GPR137C: variants seen among roughly 807,000 people sequenced by gnomAD.
GPR137C encodes the protein G protein-coupled receptor 137C, also known as integral membrane protein GPR137C.
In GPR137C, 27 loss-of-function variants were observed where a neutral mutation model predicts 43.4. The observed-to-expected ratio is 0.62, with a 90% confidence interval of 0.46 to 0.86. The LOEUF (loss-of-function observed/expected upper bound fraction) is 0.86, where lower values mean the gene tolerates loss of function less well. GPR137C is among the 40% of genes least tolerant of loss of function. The pLI, the probability that GPR137C is intolerant of heterozygous loss-of-function variation, is 0.00. For missense variants in GPR137C, 522 were observed against 534.6 expected (o/e 0.98, Z 0.23); for synonymous variants, 285 against 226.9 (o/e 1.26, Z -2.30).
chr14:52,576,505 A>G (rs1390823493), intron 1 of GPR137C, among the ~76,000 whole-genome samples: 1 of 152,204 alleles, frequency 6.6e-6, no homozygotes, highest in East Asian at 1.9e-4. Context: ...GCTGAATGGA[A>G]TTATAGTTCC....
intron 1 of GPR137C, among the ~76,000 whole-genome samples, chr14:52,573,386 T>C (rs187407820): frequency 1.8e-4 from 27 of 152,228 alleles, no homozygotes; most frequent in African/African-American, 6.3e-4. Flanking sequence ...TATAGACCAA[T>C]GGAACAGAAC....
chr14:52,559,116 G>A (rs911821372), intron 1 of GPR137C, among the ~76,000 whole-genome samples: 4 of 152,146 alleles, frequency 2.6e-5, no homozygotes, highest in East Asian at 1.9e-4. Context: ...AGTGGCTCAC[G>A]CCTCTAATCC....
rs1346349567 is a variant in GPR137C, at chr14:52,606,645, T to C, written c.717+6304T>C. 2.6e-5 allele frequency among the ~76,000 whole-genome samples: 4 copies of C among 152,258 alleles called. No homozygotes were observed. The South Asian group carries it at 6.2e-4, about 24-fold the overall frequency. On this transcript the variant is annotated intron_variant, in intron 3 of 6. Transcript: ENST00000321662. ...TAGACAGAATCTATGTTGTCCAGGC[T>C]GCTAATGTTTCTCTTTTCATCCTTA...
intron 1 of GPR137C, among the ~76,000 whole-genome samples, chr14:52,555,872 A>T (rs1761385126): frequency 6.6e-6 from 1 of 152,180 alleles, no homozygotes; most frequent in African/African-American, 2.4e-5. Flanking sequence ...GAAAGGAGAT[A>T]TCTTAACCAG....
At chr14:52,609,496 G>C (rs1397949051) in intron 3 of GPR137C, among the ~76,000 whole-genome samples, 1 of 152,146 alleles carries the variant, frequency 6.6e-6, no homozygotes, top group Non-Finnish European at 1.5e-5. Flanking sequence ...ACACCAAGGG[G>C]TTACATTTTT....
rs78970159 is a variant in GPR137C at position 52,555,956 on chromosome 14, A to C, written c.444+2365A>C. ...AGAGAGTATTTTAGTTCAAATTTTT[A>C]TGTCAGTTCCAGATAACTGCAAGTA... On this transcript the variant is annotated intron_variant, in intron 1 of 6. Transcript: ENST00000321662. 2.9e-4 allele frequency among the ~76,000 whole-genome samples: 44 copies of C among 152,302 alleles called. 2 individuals carry two copies. In the East Asian group the frequency reaches 8.3e-3, roughly 29 times the overall value.
At chr14:52,602,990 CAT>C (rs1202063852) in intron 3 of GPR137C, among the ~76,000 whole-genome samples, 2 of 152,104 alleles carry the variant, frequency 1.3e-5, no homozygotes, top group African/African-American at 4.8e-5. Flanking sequence ...TATTTTGAAA[CAT>C]ATAATAAATT....
intron 4 of GPR137C, 22 bp from the exon 5 acceptor site, chr14:52,633,508 C>T (rs1435317312): frequency 6.2e-7 from 1 of 1,603,978 alleles, no homozygotes; most frequent in African/African-American, 1.3e-5. Context: ...TGTAAAAATT[C>T]TCTGCCATGC....
rs1675350266 is a variant in GPR137C at position 52,590,427 on chromosome 14, AAT to A, written c.445-7844_445-7843del. 4.6e-5 allele frequency among the ~76,000 whole-genome samples: 7 copies of A among 152,282 alleles called. No individual in the cohort carries two copies. In the South Asian group the frequency reaches 1.5e-3, roughly 32 times the overall value. On this transcript the variant is annotated intron_variant, in intron 1 of 6. Coordinates refer to ENST00000321662, the MANE Select transcript of GPR137C (RefSeq NM_001099652.2). ...AATTTATTGTTCATTTTTAAAAATA[AAT>A]TTAGTGTAGCATAAGTGTACAATGT... is the stretch of plus-strand genomic sequence containing the variant.
Position 52,553,380 on chromosome 14 carries a change from G to A in GPR137C, c.233G>A (p.Arg78Gln). 1.2e-6 allele frequency: 2 copies of A among 1,605,600 alleles called. No homozygotes were observed. Among genetic ancestry groups the A allele is most frequent in the Non-Finnish European group, 1.7e-6 (2 of 1,179,406 alleles). Residue 78 changes from arginine to glutamine, a missense_variant, in exon 1 of 7, where the codon CGG (arginine) becomes CAG (glutamine). This residue lies in a region of GPR137C where 437 missense variants were observed against 425.7 expected (regional missense o/e 1.03). Transcript: ENST00000321662. Reference protein sequence around the residue: ...LWRLLLYRERRLSYQSLCLFL... With the variant: ...LWRLLLYRERQLSYQSLCLFL... The stretch of plus-strand genomic sequence containing the variant: ...CGGCTGCTCCTGTACCGCGAGCGGC[G>A]GCTGAGTTACCAGAGCCTCTGCCTC...
rs1325915577 is a variant in GPR137C at position 52,635,373 on chromosome 14, T to G, written c.*258T>G. 3.2e-6 allele frequency: 1 copy of G among 316,662 alleles called. No homozygotes were observed. Among genetic ancestry groups the G allele is most frequent in the African/African-American group, 2.2e-5 (1 of 45,708 alleles). 19.6% of individuals were successfully genotyped at this position (316,662 alleles called of 1,614,324 possible). On this transcript the variant is annotated 3_prime_UTR_variant, in exon 7 of 7. Coordinates refer to ENST00000321662, the MANE Select transcript of GPR137C (RefSeq NM_001099652.2). ...TGATGGCCTCCAAAAATCCTGACTT[T>G]GGAACATCAAATGCATATGTGCACT...
At chr14:52,582,631 T>C (rs1469022468) in intron 1 of GPR137C, among the ~76,000 whole-genome samples, 1 of 152,038 alleles carries the variant, frequency 6.6e-6, no homozygotes, top group Non-Finnish European at 1.5e-5. Context: ...CAGTCTCTAA[T>C]AAAAATACAA....
intron 1 of GPR137C, among the ~76,000 whole-genome samples, chr14:52,565,819 T>C (rs886407373): frequency 2.0e-5 from 3 of 152,166 alleles, no homozygotes; most frequent in Admixed American, 1.3e-4. Flanking sequence ...AGATAGTACA[T>C]CATGAATGGC....
At chr14:52,628,553 T>TGG (rs2039256965) in intron 3 of GPR137C, among the ~76,000 whole-genome samples, 2 of 152,184 alleles carry the variant, frequency 1.3e-5, no homozygotes, top group Non-Finnish European at 2.9e-5. Flanking sequence ...CCCAGCACTT[T>TGG]GGGAGGCCAA....
intron 1 of GPR137C, among the ~76,000 whole-genome samples, chr14:52,567,063 A>G (rs918496681): frequency 2.6e-5 from 4 of 152,220 alleles, no homozygotes; most frequent in African/African-American, 9.6e-5. Flanking sequence ...CAGTGAGCCA[A>G]GATCACACCA....
intron 1 of GPR137C, among the ~76,000 whole-genome samples, chr14:52,561,100 GTTA>G (rs1363421680): frequency 1.1e-5 from 1 of 91,056 alleles, no homozygotes; most frequent in Non-Finnish European, 2.1e-5. Context: ...GATGCTCAAG[GTTA>G]TTAGTTATTA....
chr14:52,566,237 C>T (rs1291852586), intron 1 of GPR137C, among the ~76,000 whole-genome samples: 1 of 152,168 alleles, frequency 6.6e-6, no homozygotes, highest in Non-Finnish European at 1.5e-5. Context: ...TTTTCATTAG[C>T]ATATTAATCA....
chr14:52,571,743 CTA>C (rs1362537667), intron 1 of GPR137C, among the ~76,000 whole-genome samples: 1 of 151,994 alleles, frequency 6.6e-6, no homozygotes, highest in Non-Finnish European at 1.5e-5. Flanking sequence ...CAAGAAATAA[CTA>C]AGATCAGAGC....
chr14:52,616,287 G>T (rs898150451), intron 3 of GPR137C, among the ~76,000 whole-genome samples: 16 of 151,574 alleles, frequency 1.1e-4, no homozygotes, highest in African/African-American at 3.6e-4. Context: ...TCTCTTTTTT[G>T]TTTGTTTGTT....
Sources: allele counts gnomAD v4.1 joint callset (sites outside exome capture counted in the v4.1 genomes callset), GRCh38; gene constraint gnomAD v4.1.1; regional missense constraint gnomAD v4.1.1; transcripts MANE v1.5; gene names NCBI Gene and HGNC (gene_info 2026-07-23, HGNC 2026-07-21).